SORCS2: variants seen among roughly 807,000 people sequenced by gnomAD.
The protein encoded by SORCS2 is VPS10 domain-containing receptor SorCS2.
A neutral mutation model predicts 141.6 loss-of-function variants in SORCS2; 100 were observed. That is an observed-to-expected ratio of 0.71 (90% confidence interval 0.60 to 0.83). SORCS2 has a LOEUF of 0.83. Among genes scored for constraint, SORCS2 ranks in the 40% least tolerant of loss-of-function variants. The pLI, the probability that SORCS2 is intolerant of heterozygous loss-of-function variation, is 0.00. For missense variants in SORCS2, 1,646 were observed against 1,560.2 expected, an observed-to-expected ratio of 1.05 and a Z score of -0.93; for synonymous variants, 789 against 676.9, an observed-to-expected ratio of 1.17 and a Z score of -2.57.
Position 7,481,430 on chromosome 4 carries a change from C to T in SORCS2, c.549-50100C>T, listed in dbSNP as rs184851808. ...TGCCTGGAGAACGGTGGCCTCTAGG[C>T]GGAGGTCGGCCGGGAGGCCCAGGAA... is the stretch of plus-strand genomic sequence containing the variant. On this transcript the variant is annotated intron_variant, in intron 2 of 26. Coordinates refer to ENST00000507866, the MANE Select transcript of SORCS2 (RefSeq NM_020777.3). Among the ~76,000 whole-genome samples the T allele has an allele frequency of 1.0e-3, 159 of 152,188 alleles. 1 individual carries two copies. The highest frequency in any genetic ancestry group is 3.5e-3 in the African/African-American group (146 of 41,532).
chr4:7,653,355 T>G (rs1474769294), intron 4 of SORCS2, among the ~76,000 whole-genome samples: 1 of 152,218 alleles, frequency 6.6e-6, no homozygotes, highest in East Asian at 1.9e-4. Flanking sequence ...GTGATTCTCC[T>G]GACTCAGCCT....
At chr4:7,714,122 C>T (rs1726023620) in intron 15 of SORCS2, 118 bp from the exon 16 acceptor site, 1 of 1,409,524 alleles carries the variant, frequency 7.1e-7, no homozygotes, top group Admixed American at 2.6e-5. Flanking sequence ...CCTCAGTTTC[C>T]CCATCTGTAA....
chr4:7,589,526 C>T (rs956086307), intron 3 of SORCS2, among the ~76,000 whole-genome samples: 5 of 152,194 alleles, frequency 3.3e-5, no homozygotes, highest in Admixed American at 6.5e-5. Flanking sequence ...CCTCAGCCTC[C>T]CAAGTAGCTG....
intron 2 of SORCS2, among the ~76,000 whole-genome samples, chr4:7,421,304 G>A (rs4689745): frequency 0.92 from 139,954 of 151,964 alleles, 64,584 homozygotes; most frequent in Non-Finnish European, 0.96. Context: ...TGCTCTAGAG[G>A]GATTGCATGA....
intron 3 of SORCS2, among the ~76,000 whole-genome samples, chr4:7,569,091 T>C (rs1346644995): frequency 1.3e-5 from 2 of 152,192 alleles, no homozygotes; most frequent in Non-Finnish European, 2.9e-5. Context: ...GGAAGCTGCT[T>C]CCATTTCCAG....
At position 7,209,260 on chromosome 4, in the gene SORCS2, G is replaced by A. The variant is rs534494072; in HGVS notation, c.480+16134G>A. 1.1e-4 allele frequency among the ~76,000 whole-genome samples: 16 copies of A among 152,256 alleles called. No homozygotes were observed. In the South Asian group the frequency reaches 2.3e-3, roughly 22 times the overall value. On this transcript the variant is annotated intron_variant, in intron 1 of 26. Coordinates refer to ENST00000507866, the MANE Select transcript of SORCS2 (RefSeq NM_020777.3). ...CCTTCAGCGCCCGAGAGCACGCCCCGCCCCCGTCTGTGAGGACTTGCTGCT... is the reference window on the plus strand; with the variant it reads ...CCTTCAGCGCCCGAGAGCACGCCCCACCCCCGTCTGTGAGGACTTGCTGCT...
At chr4:7,714,018 C>G (rs1726015846) in intron 15 of SORCS2, among the ~76,000 whole-genome samples, 1 of 152,236 alleles carries the variant, frequency 6.6e-6, no homozygotes, top group Admixed American at 6.5e-5. Context: ...CCAGCCAGGG[C>G]TGCACACAGG....
At chr4:7,264,237 T>G (rs1221367195) in intron 1 of SORCS2, among the ~76,000 whole-genome samples, 1 of 152,198 alleles carries the variant, frequency 6.6e-6, no homozygotes, top group Non-Finnish European at 1.5e-5. Flanking sequence ...AGGGCAGGTA[T>G]TTCTCCAGCA....
At chr4:7,619,914 T>G (rs1719041165) in intron 3 of SORCS2, among the ~76,000 whole-genome samples, 1 of 152,118 alleles carries the variant, frequency 6.6e-6, no homozygotes, top group African/African-American at 2.4e-5. Context: ...TCGGCACAGA[T>G]TCGTCAGCCC....
At chr4:7,244,571 G>T (rs1157428375) in intron 1 of SORCS2, among the ~76,000 whole-genome samples, 1 of 152,250 alleles carries the variant, frequency 6.6e-6, no homozygotes, top group Non-Finnish European at 1.5e-5. Context: ...CGTGAAGCAG[G>T]CGTGGTGTGG....
chr4:7,704,023 G>C (rs1004985997), intron 13 of SORCS2, among the ~76,000 whole-genome samples, 154 bp from the exon 14 acceptor site: 1 of 152,120 alleles, frequency 6.6e-6, no homozygotes, highest in Non-Finnish European at 1.5e-5. Context: ...GATGTGATAT[G>C]AGCAGATGTG....
chr4:7,596,560 G>A (rs557812042), intron 3 of SORCS2, among the ~76,000 whole-genome samples: 10 of 152,222 alleles, frequency 6.6e-5, no homozygotes, highest in South Asian at 6.2e-4. Flanking sequence ...ATCTCCTTTC[G>A]TGCTAAAACC....
intron 1 of SORCS2, among the ~76,000 whole-genome samples, chr4:7,257,531 C>T (rs934047363): frequency 1.3e-5 from 2 of 152,108 alleles, no homozygotes; most frequent in African/African-American, 2.4e-5. Context: ...TTAATAATGC[C>T]CCTTCTCCCT....
intron 1 of SORCS2, among the ~76,000 whole-genome samples, chr4:7,388,510 C>T (rs544019061): frequency 6.6e-6 from 1 of 152,240 alleles, no homozygotes; most frequent in East Asian, 1.9e-4. Flanking sequence ...ACTAAAGGGT[C>T]TCTAGTTGAA....
chr4:7,504,893 G>A (rs757908217), intron 2 of SORCS2, among the ~76,000 whole-genome samples: 8 of 152,176 alleles, frequency 5.3e-5, no homozygotes, highest in Non-Finnish European at 1.0e-4. Context: ...AGAGAAGCTC[G>A]GGAGCCGTCT....
At chr4:7,500,518 CA>C (rs1210261249) in intron 2 of SORCS2, among the ~76,000 whole-genome samples, 1 of 152,060 alleles carries the variant, frequency 6.6e-6, no homozygotes, top group Non-Finnish European at 1.5e-5. Flanking sequence ...AGGAGATAGC[CA>C]GTATTCAAGT....
At chr4:7,250,394 G>C (rs1034335901) in intron 1 of SORCS2, among the ~76,000 whole-genome samples, 1 of 152,170 alleles carries the variant, frequency 6.6e-6, no homozygotes, top group African/African-American at 2.4e-5. Flanking sequence ...CCCCTTTAAC[G>C]GGAAACACGC....
intron 1 of SORCS2, among the ~76,000 whole-genome samples, chr4:7,297,701 T>G (rs1311491801): frequency 6.6e-6 from 1 of 152,190 alleles, no homozygotes; most frequent in Non-Finnish European, 1.5e-5. Flanking sequence ...AGAGCTGCCG[T>G]GTAGAAGGGA....
intron 3 of SORCS2, among the ~76,000 whole-genome samples, chr4:7,549,305 T>G (rs1713507096): frequency 6.6e-6 from 1 of 152,144 alleles, no homozygotes; most frequent in African/African-American, 2.4e-5. Context: ...GTCTATCGAT[T>G]TGAAGCTTGA....
Sources: gnomAD v4.1 joint callset for allele counts (sites outside exome capture counted in the v4.1 genomes callset) on GRCh38, gnomAD v4.1.1 for gene constraint, MANE v1.5 for transcripts, NCBI Gene and HGNC (gene_info 2026-07-23, HGNC 2026-07-21) for gene names.